The following SIPA1L2 variants were observed in gnomAD, a reference collection of about 807,000 sequenced individuals.
The protein encoded by SIPA1L2 is signal induced proliferation associated 1 like 2, also known as signal-induced proliferation-associated 1-like protein 2.
SIPA1L2 carries 56 observed loss-of-function variants against 163.9 expected under a neutral mutation model. The ratio of observed to expected loss-of-function variants is 0.34; its 90% confidence interval spans 0.28 to 0.43. The LOEUF (loss-of-function observed/expected upper bound fraction) is 0.43, where lower values mean the gene tolerates loss of function less well. SIPA1L2 is among the 20% of genes least tolerant of loss of function. The pLI is 1.00. For synonymous variants in SIPA1L2, 877 were observed against 865.7 expected (o/e 1.01, Z -0.23); for missense variants, 1,974 against 2,193.5 (o/e 0.90, Z 2.00).
At chr1:232,420,923 C>T (rs1234984134) in intron 18 of SIPA1L2, among the ~76,000 whole-genome samples, 1 of 152,242 alleles carries the variant, frequency 6.6e-6, no homozygotes, top group African/African-American at 2.4e-5. Context: ...CGGTGACCTC[C>T]TGGCATAACA....
chr1:232,460,934 A>G lies in SIPA1L2; in HGVS notation c.3048T>C (p.Thr1016=). 1 of 1,614,240 alleles carries G rather than the reference A, an allele frequency of 6.2e-7. No homozygotes were observed. Among genetic ancestry groups the G allele is most frequent in the African/African-American group, 1.3e-5 (1 of 75,080 alleles). Reference sequence around the variant, plus strand: ...GGGGCTGGATGATGACCACCTTCACAGTCACAGAAGTACGGAGCAGGTCGA... The same window carrying G: ...GGGGCTGGATGATGACCACCTTCACGGTCACAGAAGTACGGAGCAGGTCGA... ...QMIDLLRTSV[T]VKVVIIQPHD... is the part of the protein sequence containing the mutation. Residue 1016 remains threonine, a synonymous_variant, in exon 10 of 23, where the codon ACT becomes ACC. Coordinates refer to ENST00000674635, the MANE Select transcript of SIPA1L2 (RefSeq NM_020808.5).
intron 18 of SIPA1L2, among the ~76,000 whole-genome samples, chr1:232,419,876 G>A (rs554859087): frequency 6.6e-5 from 10 of 152,228 alleles, no homozygotes; most frequent in Non-Finnish European, 1.0e-4. Context: ...GATGTTTACC[G>A]AGCATCTTCT....
In SIPA1L2 at chr1:232,628,561, C is replaced by A. The variant is rs549323488; in HGVS notation, c.-319+1308G>T. Among the ~76,000 whole-genome samples, 104 of 152,214 alleles carry A rather than the reference C, an allele frequency of 6.8e-4. 1 individual carries two copies. Among genetic ancestry groups the A allele is most frequent in the African/African-American group, 2.5e-3 (102 of 41,492 alleles). On this transcript the variant is annotated intron_variant, in intron 1 of 22. Transcript: ENST00000674635. ...AAATGATGTAACTAAATACAGTAAC[C>A]AAGTTGTCTCTTGAAATTCAACTTT...
chr1:232,422,134 A>C (rs1661611734), intron 18 of SIPA1L2, among the ~76,000 whole-genome samples: 1 of 152,188 alleles, frequency 6.6e-6, no homozygotes, highest in Non-Finnish European at 1.5e-5. Flanking sequence ...TGGGCCCTTA[A>C]ATAAATTTTC....
rs1359851365 is a variant in SIPA1L2, at chr1:232,425,723, G to C, written c.4496C>G (p.Ser1499Cys). 6.2e-7 allele frequency: 1 copy of C among 1,614,102 alleles called. No homozygotes were observed. The highest frequency in any genetic ancestry group is 1.7e-5 in the Admixed American group (1 of 60,016). ...GGAACTCCGGGAACTGCCAAAGGAG[G>C]ACCCCCTCCTGTTGCTGCAGATGCT... Reference protein sequence around the residue: ...DESICSNRRGSSFGSSRSSVL... With the variant: ...DESICSNRRGCSFGSSRSSVL... The change falls in exon 18 of 23, where the codon TCC becomes TGC. Residue 1499 changes from serine to cysteine, a missense_variant. Physicochemically the swap from Ser to Cys is moderately radical, Grantham distance 112. Transcript: ENST00000674635.
rs1477970988 is a variant in SIPA1L2 at position 232,402,641 on chromosome 1, C to A, written c.4941-168G>T. 9.6e-6 allele frequency: 5 copies of A among 518,790 alleles called. No homozygotes were observed. The East Asian group carries it at 1.8e-4, about 18-fold the overall frequency. The allele number at this position is 518,790 out of a possible 1,614,324, so 32.1% of individuals were successfully genotyped here. A position where few individuals can be genotyped will look rare whatever the true frequency, so the allele number is the denominator to read the frequency against. ...TCCATATTGCTGATCTAGTGGAAAG[C>A]CCATTCTGGGACTTTACTGATTTAA... On this transcript the variant is annotated intron_variant, in intron 21 of 22. Transcript: ENST00000674635.
chr1:232,630,085 C>T lies in SIPA1L2; in HGVS notation c.-535G>A, dbSNP rs572372956. Among the ~76,000 whole-genome samples, 6 of 150,940 alleles carry T rather than the reference C, an allele frequency of 4.0e-5. No homozygotes were observed. In the South Asian group the frequency reaches 1.2e-3, roughly 31 times the overall value. ...CGGCGGGGGCGCGGTGCTCCTCCTC[C>T]GTCCTCCTCCTCCTCTCGCTCCGCC... is the stretch of plus-strand genomic sequence containing the variant. On this transcript the variant is annotated 5_prime_UTR_variant, in exon 1 of 23. Coordinates refer to ENST00000674635, the MANE Select transcript of SIPA1L2 (RefSeq NM_020808.5).
At chr1:232,625,963 C>A (rs1278425001) in intron 1 of SIPA1L2, among the ~76,000 whole-genome samples, 1 of 152,092 alleles carries the variant, frequency 6.6e-6, no homozygotes, top group Admixed American at 6.5e-5. Flanking sequence ...TTGACCCATG[C>A]AAAAGAAAAA....
At chr1:232,547,729 G>A (rs701171) in intron 2 of SIPA1L2, among the ~76,000 whole-genome samples, 39,695 of 151,948 alleles carry the variant, frequency 0.26, 5,436 homozygotes, top group Middle Eastern at 0.34. Flanking sequence ...AGTGTTTAAC[G>A]AAAAAATTCC....
intron 1 of SIPA1L2, among the ~76,000 whole-genome samples, chr1:232,580,784 A>T (rs1660332546): frequency 6.6e-6 from 1 of 152,170 alleles, no homozygotes; most frequent in Non-Finnish European, 1.5e-5. Flanking sequence ...TACAGATGCA[A>T]ATCTCCCCTA....
chr1:232,418,565 C>T (rs1313732989), intron 18 of SIPA1L2, among the ~76,000 whole-genome samples: 2 of 152,228 alleles, frequency 1.3e-5, no homozygotes, highest in African/African-American at 4.8e-5. Context: ...TCTCTGCCTG[C>T]TACCCCCTAC....
At chr1:232,528,419 A>G (rs942937442) in intron 2 of SIPA1L2, among the ~76,000 whole-genome samples, 1 of 152,180 alleles carries the variant, frequency 6.6e-6, no homozygotes, top group African/African-American at 2.4e-5. Context: ...ATTTACACAC[A>G]GCTTTTTAAA....
intron 1 of SIPA1L2, among the ~76,000 whole-genome samples, chr1:232,587,431 G>A (rs1660730582): frequency 6.6e-6 from 1 of 152,124 alleles, no homozygotes; most frequent in Admixed American, 6.5e-5. Context: ...TAAAGTCGTG[G>A]TTCTCAAAAA....
At chr1:232,498,131 T>C (rs559871247) in intron 3 of SIPA1L2, among the ~76,000 whole-genome samples, 2 of 152,306 alleles carry the variant, frequency 1.3e-5, no homozygotes, top group East Asian at 3.9e-4. Flanking sequence ...GCCCTAGTGT[T>C]GTAGTGCCTA....
intron 2 of SIPA1L2, among the ~76,000 whole-genome samples, chr1:232,522,075 T>A (rs1312477627): frequency 6.6e-6 from 1 of 152,098 alleles, no homozygotes; most frequent in African/African-American, 2.4e-5. Flanking sequence ...CCACATTCAA[T>A]CCTGCCCATT....
intron 1 of SIPA1L2, among the ~76,000 whole-genome samples, chr1:232,608,071 G>GAAAAAAAAAAAA: frequency 1.0e-5 from 1 of 99,948 alleles, no homozygotes; most frequent in African/African-American, 5.0e-5. Context: ...AAAAAAAAAC[G>GAAAAAAAAAAAA]AGTCTTACTC....
Position 232,400,062 on chromosome 1 carries a change from G to A in SIPA1L2, c.5023-789C>T, listed in dbSNP as rs192905047. ...CCCTCAAGGCTTCCTCGTTTCCTGA[G>A]CCCTTCCAAGGCCCTCCTCAATACC... On this transcript the variant is annotated intron_variant, in intron 22 of 22. Transcript: ENST00000674635. 3.2e-3 allele frequency among the ~76,000 whole-genome samples: 484 copies of A among 152,232 alleles called. 2 individuals are homozygous for A. The highest frequency in any genetic ancestry group is 4.7e-3 in the Non-Finnish European group (323 of 68,032).
chr1:232,534,428 T>C (rs1417242362), intron 2 of SIPA1L2, among the ~76,000 whole-genome samples: 2 of 152,186 alleles, frequency 1.3e-5, no homozygotes. Context: ...ACTAAAACTA[T>C]AAAACTCATA....
chr1:232,469,402 G>A (rs1280006648), intron 8 of SIPA1L2, among the ~76,000 whole-genome samples: 1 of 152,104 alleles, frequency 6.6e-6, no homozygotes, highest in African/African-American at 2.4e-5. Flanking sequence ...TAGAAAATGT[G>A]GGCATGCCAA....
Sources: gnomAD v4.1 joint callset for allele counts (sites outside exome capture counted in the v4.1 genomes callset) on GRCh38, gnomAD v4.1.1 for gene constraint, MANE v1.5 for transcripts, NCBI Gene and HGNC (gene_info 2026-07-23, HGNC 2026-07-21) for gene names.